Variants in RGS5 observed in about 807,000 individuals in gnomAD.
RGS5 encodes the protein regulator of G-protein signalling 5.
A neutral mutation model predicts 18.9 loss-of-function variants in RGS5; 20 were observed. The observed-to-expected ratio is 1.06, with a 90% CI of 0.74 to 1.54. The LOEUF is 1.54. Among genes scored for constraint, RGS5 ranks in the 40% most tolerant of loss-of-function variants. The probability of loss-of-function intolerance (pLI) is 0.00; values close to 1 mark genes in which losing one functional copy is unlikely to be tolerated. For missense variants in RGS5, 201 were observed against 211.8 expected (o/e 0.95, Z 0.32); for synonymous variants, 57 against 76.2 (o/e 0.75, Z 1.31).
At position 163,310,371 on chromosome 1, in the gene RGS5, G is replaced by C. The variant is rs182161834; in HGVS notation, c.-377-4042C>G. Among the ~76,000 whole-genome samples the C allele has an allele frequency of 5.3e-5, 8 of 152,192 alleles. No homozygotes were observed. The East Asian group carries it at 7.8e-4, about 15-fold the overall frequency. On this transcript the variant is annotated intron_variant, in intron 1 of 5. Transcript: ENST00000618415. The stretch of plus-strand genomic sequence containing the variant: ...GGAGGCCGAAGCGGGCGGATCACGA[G>C]GTCAGGAGATCAAGACCACGGTGAA...
At chr1:163,236,684 C>T (rs559221066) in intron 2 of RGS5, among the ~76,000 whole-genome samples, 2 of 152,320 alleles carry the variant, frequency 1.3e-5, no homozygotes, top group East Asian at 3.9e-4. Flanking sequence ...GGCCAATGGG[C>T]CAGGCGCAGT....
At chr1:163,226,919 A>C (rs766678890) in intron 2 of RGS5, among the ~76,000 whole-genome samples, 12 of 152,344 alleles carry the variant, frequency 7.9e-5, no homozygotes, top group Non-Finnish European at 1.2e-4. Flanking sequence ...ATCATTCTAA[A>C]CATTGGACAT....
In RGS5 at chr1:163,234,492, T is replaced by C. The variant is rs909206296; in HGVS notation, c.-280-66124A>G. On this transcript the variant is annotated intron_variant, in intron 2 of 5. Transcript: ENST00000618415. ...TTTTTTCTTATAAGAAATGTACTTG[T>C]TCATTATTTACATCACAGTTTTGCT... is the stretch of plus-strand genomic sequence containing the variant. Among the ~76,000 whole-genome samples, 17 of 152,210 alleles carry C rather than the reference T, an allele frequency of 1.1e-4. 1 individual carries two copies. Among genetic ancestry groups the C allele is most frequent in the Non-Finnish European group, 1.2e-4 (8 of 68,038 alleles).
intron 2 of RGS5, among the ~76,000 whole-genome samples, chr1:163,243,707 C>T (rs897530412): frequency 7.0e-6 from 1 of 142,484 alleles, no homozygotes; most frequent in Non-Finnish European, 1.5e-5. Context: ...CACCATGGCA[C>T]AGGTTTACCT....
intron 1 of RGS5, among the ~76,000 whole-genome samples, chr1:163,312,908 T>C (rs1649909449): frequency 6.6e-6 from 1 of 152,234 alleles, no homozygotes; most frequent in Admixed American, 6.5e-5. Flanking sequence ...ACCTCTGCAA[T>C]ACCTGCCAAG....
intron 1 of RGS5, among the ~76,000 whole-genome samples, chr1:163,208,167 T>G (rs549186470): frequency 6.6e-6 from 1 of 150,684 alleles, no homozygotes; most frequent in South Asian, 2.1e-4. Flanking sequence ...GGCAACACGG[T>G]GAAACCCCGT....
chr1:163,306,891 A>G (rs898828976), intron 1 of RGS5, among the ~76,000 whole-genome samples: 1 of 152,194 alleles, frequency 6.6e-6, no homozygotes, highest in African/African-American at 2.4e-5. Context: ...GAAGGCATCA[A>G]CCTTGCTGAT....
At chr1:163,218,219 C>G (rs1660259278), upstream of RGS5, among the ~76,000 whole-genome samples, 1 of 152,046 alleles carries the variant, frequency 6.6e-6, no homozygotes, top group African/African-American at 2.4e-5. Flanking sequence ...CATATGTGAA[C>G]TTGAATGAGG....
intron 2 of RGS5, among the ~76,000 whole-genome samples, chr1:163,164,326 G>A (rs184212732): frequency 6.6e-5 from 10 of 152,324 alleles, no homozygotes; most frequent in East Asian, 1.9e-4. Flanking sequence ...GTTTCTGTGC[G>A]TGGGAGTGTG....
chr1:163,167,914 C>T (rs987290952), intron 2 of RGS5, among the ~76,000 whole-genome samples: 1 of 152,120 alleles, frequency 6.6e-6, no homozygotes, highest in African/African-American at 2.4e-5. Context: ...GGAGTGGTTA[C>T]CAAGGCAGTA....
At chr1:163,315,448 T>C in intron 1 of RGS5, among the ~76,000 whole-genome samples, 1 of 152,172 alleles carries the variant, frequency 6.6e-6, no homozygotes, top group East Asian at 1.9e-4. Context: ...TAAGAATATC[T>C]AATTTGTTTC....
At chr1:163,252,592 C>G (rs527767319) in intron 2 of RGS5, among the ~76,000 whole-genome samples, 1 of 152,232 alleles carries the variant, frequency 6.6e-6, no homozygotes, top group Admixed American at 6.5e-5. Flanking sequence ...CAAGTGTTCT[C>G]AATTCTCTCA....
At chr1:163,230,337 A>AT (rs1233238920) in intron 2 of RGS5, among the ~76,000 whole-genome samples, 8 of 152,110 alleles carry the variant, frequency 5.3e-5, no homozygotes, top group African/African-American at 1.9e-4. Flanking sequence ...TACAGTCAAT[A>AT]TTTTTTTCAA....
intron 1 of RGS5, among the ~76,000 whole-genome samples, chr1:163,200,938 T>C (rs1308959765): frequency 2.6e-5 from 4 of 152,184 alleles, no homozygotes; most frequent in Non-Finnish European, 5.9e-5. Context: ...TTGAAAGAAA[T>C]GTTCCATCCA....
chr1:163,313,431 T>C (rs562567951), intron 1 of RGS5, among the ~76,000 whole-genome samples: 1 of 152,256 alleles, frequency 6.6e-6, no homozygotes, highest in South Asian at 2.1e-4. Context: ...TTATTCTCTC[T>C]TTGGAGTGAT....
rs147510751 is a variant in RGS5, at chr1:163,252,808, T to C, written c.-281+53425A>G. Among the ~76,000 whole-genome samples the C allele has an allele frequency of 3.8e-3, 575 of 152,284 alleles. 3 individuals carry two copies. The highest frequency in any genetic ancestry group is 0.013 in the African/African-American group (537 of 41,560). On this transcript the variant is annotated intron_variant, in intron 2 of 5. Transcript: ENST00000618415. Reference sequence around the variant, plus strand: ...AGTTGGTTGGAAAATGCCATTATATTGCTAACAGATGGCCACTAGACATGG... The same window carrying C: ...AGTTGGTTGGAAAATGCCATTATATCGCTAACAGATGGCCACTAGACATGG...
intron 2 of RGS5, among the ~76,000 whole-genome samples, chr1:163,164,339 G>A (rs1657943317): frequency 6.6e-6 from 1 of 152,138 alleles, no homozygotes; most frequent in Non-Finnish European, 1.5e-5. Context: ...GGAGTGTGGG[G>A]GAGAGAGAGA....
chr1:163,185,226 A>G (rs1343556016), intron 1 of RGS5, among the ~76,000 whole-genome samples: 1 of 152,084 alleles, frequency 6.6e-6, no homozygotes, highest in Non-Finnish European at 1.5e-5. Context: ...ACACACGCAG[A>G]GGGGTGTGAG....
At chr1:163,304,458 A>G (rs1649643466) in intron 2 of RGS5, 1 of 152,212 alleles carries the variant, frequency 6.6e-6, no homozygotes, top group South Asian at 2.1e-4. Context: ...CATGGATTTA[A>G]TAGGTTTAAT....
Sources: gnomAD v4.1 joint callset for allele counts (sites outside exome capture counted in the v4.1 genomes callset) on GRCh38, gnomAD v4.1.1 for gene constraint, MANE v1.5 for transcripts, NCBI Gene and HGNC (gene_info 2026-07-23, HGNC 2026-07-21) for gene names.